The following SOX5 variants were observed in gnomAD, a reference collection of about 807,000 sequenced individuals.
The protein encoded by SOX5 is SRY-box transcription factor 5, also known as transcription factor SOX-5.
A neutral mutation model predicts 92.0 loss-of-function variants in SOX5; 9 were observed. The observed-to-expected ratio is 0.10, with a 90% CI of 0.06 to 0.17. The LOEUF (loss-of-function observed/expected upper bound fraction) is 0.17, where lower values mean the gene tolerates loss of function less well. SOX5 is among the 10% of genes least tolerant of loss of function. The pLI, the probability that SOX5 is intolerant of heterozygous loss-of-function variation, is 1.00. For missense variants in SOX5, 642 were observed against 944.5 expected, an observed-to-expected ratio of 0.68 and a Z score of 4.20; for synonymous variants, 344 against 336.3, an observed-to-expected ratio of 1.02 and a Z score of -0.25.
chr12:24,542,263 T>C (rs1952202831), intron 1 of SOX5, among the ~76,000 whole-genome samples: 5 of 152,194 alleles, frequency 3.3e-5, no homozygotes, highest in Admixed American at 2.6e-4. Context: ...CGTGCTGTTC[T>C]CTATGCTTAC....
intron 4 of SOX5, among the ~76,000 whole-genome samples, chr12:24,154,686 G>A (rs1049922137): frequency 1.2e-4 from 18 of 151,948 alleles, no homozygotes; most frequent in African/African-American, 4.3e-4. Context: ...ATATAAAAGT[G>A]TATAAACAAC....
At chr12:23,756,028 C>T (rs1233885414) in intron 3 of SOX5, among the ~76,000 whole-genome samples, 2 of 151,618 alleles carry the variant, frequency 1.3e-5, no homozygotes, top group Non-Finnish European at 2.9e-5. Flanking sequence ...ATAATGGATG[C>T]TTGTCAATTT....
chr12:24,391,399 T>C lies in SOX5; in HGVS notation c.-250-22760A>G, dbSNP rs1483625654. 4.6e-5 allele frequency among the ~76,000 whole-genome samples: 7 copies of C among 152,286 alleles called. No homozygotes were observed. The East Asian group carries it at 1.3e-3, about 29-fold the overall frequency. On this transcript the variant is annotated intron_variant, in intron 1 of 4. Transcript: ENST00000446891. ...AAATGGGTAAAAGTACATGTATAGG[T>C]ACATGCTTTCCAAAGAAAGGAGATC...
At chr12:24,011,851 A>G (rs1952979419) in intron 4 of SOX5, among the ~76,000 whole-genome samples, 1 of 152,198 alleles carries the variant, frequency 6.6e-6, no homozygotes, top group Non-Finnish European at 1.5e-5. Context: ...GAGTATTAAC[A>G]TGGAACATTT....
At chr12:24,419,255 C>T (rs1331089575) in intron 1 of SOX5, among the ~76,000 whole-genome samples, 1 of 152,092 alleles carries the variant, frequency 6.6e-6, no homozygotes, top group East Asian at 1.9e-4. Flanking sequence ...AGTTAAGCAA[C>T]TCCTCCCAAG....
At chr12:23,616,088 G>T (rs2076522676) in intron 8 of SOX5, among the ~76,000 whole-genome samples, 1 of 152,156 alleles carries the variant, frequency 6.6e-6, no homozygotes, top group Non-Finnish European at 1.5e-5. Flanking sequence ...GGGTTCTAAA[G>T]GGATATGTGT....
intron 4 of SOX5, among the ~76,000 whole-genome samples, chr12:24,176,977 G>GTTTTTTT (rs11295163): frequency 3.4e-4 from 46 of 135,066 alleles, no homozygotes; most frequent in Non-Finnish European, 5.8e-4. Context: ...TTTGTTTTTT[G>GTTTTTTT]TTTTTTTTTT....
intron 2 of SOX5, among the ~76,000 whole-genome samples, chr12:24,303,589 G>C (rs1049619812): frequency 3.9e-5 from 6 of 152,114 alleles, no homozygotes; most frequent in African/African-American, 1.4e-4. Context: ...TATAATACAG[G>C]TATTCCAGAT....
At chr12:23,981,925 C>T (rs1949607345) in intron 4 of SOX5, among the ~76,000 whole-genome samples, 1 of 152,018 alleles carries the variant, frequency 6.6e-6, no homozygotes, top group Non-Finnish European at 1.5e-5. Context: ...TTGCATGTGT[C>T]ATTGTAATAT....
intron 2 of SOX5, among the ~76,000 whole-genome samples, chr12:23,877,149 AT>A (rs760800759): frequency 3.1e-4 from 47 of 152,348 alleles, no homozygotes; most frequent in Non-Finnish European, 6.0e-4. Flanking sequence ...AATAAAAAAA[AT>A]AAAACTTTCT....
At position 23,680,045 on chromosome 12, in the gene SOX5, G is replaced by T. The variant is rs2086327250; in HGVS notation, c.811-14481C>A. Among the ~76,000 whole-genome samples, 3 of 151,782 alleles carry T rather than the reference G, an allele frequency of 2.0e-5. No homozygotes were observed. In the South Asian group the frequency reaches 6.2e-4, roughly 31 times the overall value. ...TGAGAAATGAAAAATATAATAACAG[G>T]CCGGGCATGGTGGCTCATGCCTGTA... is the stretch of plus-strand genomic sequence containing the variant. On this transcript the variant is annotated intron_variant, in intron 6 of 14. Transcript: ENST00000451604.
At chr12:23,690,541 G>A (rs1352244194) in intron 6 of SOX5, among the ~76,000 whole-genome samples, 1 of 151,596 alleles carries the variant, frequency 6.6e-6, no homozygotes, top group Admixed American at 6.6e-5. Context: ...ATGGAAATGA[G>A]TATCCTCTTT....
chr12:23,974,141 C>T (rs1317540920), intron 4 of SOX5, among the ~76,000 whole-genome samples: 3 of 152,008 alleles, frequency 2.0e-5, no homozygotes, highest in Non-Finnish European at 4.4e-5. Flanking sequence ...TACAATAAAA[C>T]ATATACGAAT....
intron 1 of SOX5, among the ~76,000 whole-genome samples, chr12:24,395,050 A>G (rs1049520165): frequency 4.6e-5 from 7 of 152,192 alleles, no homozygotes; most frequent in Non-Finnish European, 1.0e-4. Context: ...CCAGCCCGAT[A>G]TTAATGATTC....
chr12:24,303,858 C>G (rs529650934), intron 2 of SOX5, among the ~76,000 whole-genome samples: 26 of 152,170 alleles, frequency 1.7e-4, no homozygotes, highest in African/African-American at 6.3e-4. Flanking sequence ...CTGCCAACCA[C>G]AATAGGTAAA....
chr12:23,961,743 G>T (rs993537186), intron 4 of SOX5, among the ~76,000 whole-genome samples: 9 of 152,044 alleles, frequency 5.9e-5, no homozygotes. Flanking sequence ...TCACAGCATT[G>T]TATGTAGTAC....
intron 3 of SOX5, among the ~76,000 whole-genome samples, chr12:23,775,437 T>C (rs2095066643): frequency 6.6e-6 from 1 of 152,144 alleles, no homozygotes; most frequent in African/African-American, 2.4e-5. Flanking sequence ...ACTGCTCTCT[T>C]AATCAGTAAC....
chr12:24,403,260 C>G (rs61680878), intron 1 of SOX5, among the ~76,000 whole-genome samples: 26 of 152,316 alleles, frequency 1.7e-4, no homozygotes, highest in African/African-American at 6.3e-4. Flanking sequence ...AAGTTGATAG[C>G]AACCTCTTTG....
chr12:24,263,095 G>A (rs564875338), intron 3 of SOX5, among the ~76,000 whole-genome samples: 47 of 152,190 alleles, frequency 3.1e-4, no homozygotes, highest in African/African-American at 1.1e-3. Flanking sequence ...ACATGATGGC[G>A]GGTGCCTGTA....
Sources: gnomAD v4.1 joint callset for allele counts (sites outside exome capture counted in the v4.1 genomes callset) on GRCh38, gnomAD v4.1.1 for gene constraint, MANE v1.5 for transcripts, NCBI Gene and HGNC (gene_info 2026-07-23, HGNC 2026-07-21) for gene names.